The following RBFOX1 variants were observed in gnomAD, a reference collection of about 807,000 sequenced individuals.
The protein encoded by RBFOX1 is RNA binding fox-1 homolog 1.
In RBFOX1, 8 loss-of-function variants were observed where a neutral mutation model predicts 57.7. That is an observed-to-expected ratio of 0.14 (90% confidence interval 0.08 to 0.25). RBFOX1 has a LOEUF of 0.25. Among genes scored for constraint, RBFOX1 ranks in the 10% least tolerant of loss-of-function variants. The probability of loss-of-function intolerance (pLI) is 1.00; values close to 1 mark genes in which losing one functional copy is unlikely to be tolerated. For synonymous variants in RBFOX1, 326 were observed against 222.4 expected, an observed-to-expected ratio of 1.47 and a Z score of -4.15; for missense variants, 611 against 548.5, an observed-to-expected ratio of 1.11 and a Z score of -1.14.
chr16:5,717,098 G>T (rs1334876088), intron 3 of RBFOX1, among the ~76,000 whole-genome samples: 3 of 152,124 alleles, frequency 2.0e-5, no homozygotes, highest in Non-Finnish European at 4.4e-5. Flanking sequence ...GTGCTTTTCT[G>T]TCTGAGAAGG....
At chr16:5,257,521 G>A (rs949522802) in intron 1 of RBFOX1, among the ~76,000 whole-genome samples, 6 of 152,160 alleles carry the variant, frequency 3.9e-5, no homozygotes, top group African/African-American at 7.2e-5. Context: ...AGATGAATAC[G>A]TTTGGACCCA....
At chr16:6,471,780 C>G (rs1597723281) in intron 2 of RBFOX1, among the ~76,000 whole-genome samples, 1 of 152,082 alleles carries the variant, frequency 6.6e-6, no homozygotes, top group East Asian at 1.9e-4. Flanking sequence ...CCTTTGCAGG[C>G]TGGCCATGTC....
intron 1 of RBFOX1, among the ~76,000 whole-genome samples, chr16:6,020,318 A>T (rs1251944539): frequency 6.6e-6 from 1 of 151,926 alleles, no homozygotes; most frequent in Non-Finnish European, 1.5e-5. Flanking sequence ...GAGCAGCGGG[A>T]GCCTGCCTGC....
At chr16:6,122,382 AC>A (rs1169914155) in intron 1 of RBFOX1, among the ~76,000 whole-genome samples, 3 of 146,314 alleles carry the variant, frequency 2.1e-5, no homozygotes, top group African/African-American at 7.4e-5. Context: ...ACACACACAC[AC>A]ACACACACAC....
chr16:7,509,763 C>T (rs944213164), intron 4 of RBFOX1, among the ~76,000 whole-genome samples: 1 of 152,050 alleles, frequency 6.6e-6, no homozygotes, highest in Non-Finnish European at 1.5e-5. Flanking sequence ...TTTTTTCATC[C>T]ATCCTCTGTC....
intron 4 of RBFOX1, among the ~76,000 whole-genome samples, chr16:5,897,220 A>G (rs2058189892): frequency 6.6e-6 from 1 of 150,376 alleles, no homozygotes; most frequent in Non-Finnish European, 1.5e-5. Flanking sequence ...TATTTTTAGT[A>G]GAGACGGGGT....
intron 2 of RBFOX1, among the ~76,000 whole-genome samples, chr16:5,583,510 T>G (rs977625884): frequency 5.3e-5 from 8 of 152,222 alleles, no homozygotes; most frequent in African/African-American, 1.9e-4. Flanking sequence ...TCTGTAAATT[T>G]GTTCTGACCG....
rs1394072935 is a variant in RBFOX1, at chr16:6,654,670, T to A, written c.-16+20T>A. ...AGAAAGGTGAGTCAATATTTTTCAT[T>A]TTTAGGGTTGCAAACAAAACAAGAA... is the stretch of plus-strand genomic sequence containing the variant. On this transcript the variant is annotated intron_variant, in intron 3 of 15. Coordinates refer to ENST00000550418, the MANE Select transcript of RBFOX1 (RefSeq NM_018723.4). 6.7e-7 allele frequency: 1 copy of A among 1,500,382 alleles called. No individual in the cohort carries two copies. The highest frequency in any genetic ancestry group is 8.8e-7 in the Non-Finnish European group (1 of 1,132,828). 92.9% of individuals were successfully genotyped at this position (1,500,382 alleles called of 1,614,324 possible). A position where few individuals can be genotyped will look rare whatever the true frequency, so the allele number is the denominator to read the frequency against.
At chr16:6,426,140 CTG>C (rs1249307559) in intron 2 of RBFOX1, among the ~76,000 whole-genome samples, 1 of 151,986 alleles carries the variant, frequency 6.6e-6, no homozygotes, top group African/African-American at 2.4e-5. Context: ...CTCTCTCTCT[CTG>C]TCTCTCTTTC....
intron 5 of RBFOX1, among the ~76,000 whole-genome samples, chr16:7,551,223 A>G (rs1044044114): frequency 6.6e-6 from 1 of 152,202 alleles, no homozygotes; most frequent in African/African-American, 2.4e-5. Context: ...TTGCCACTAA[A>G]GAATTTTTTC....
intron 4 of RBFOX1, among the ~76,000 whole-genome samples, chr16:7,108,859 T>C (rs1045236458): frequency 2.0e-5 from 3 of 152,170 alleles, no homozygotes; most frequent in African/African-American, 7.2e-5. Flanking sequence ...AGTCATGATA[T>C]ATATTTATGG....
chr16:6,934,266 C>G (rs868789824), intron 3 of RBFOX1, among the ~76,000 whole-genome samples: 1 of 152,196 alleles, frequency 6.6e-6, no homozygotes, highest in Non-Finnish European at 1.5e-5. Flanking sequence ...GCTCTTCAGT[C>G]TGGACTGAAG....
chr16:6,983,964 C>G (rs1220590711), intron 3 of RBFOX1, among the ~76,000 whole-genome samples: 2 of 152,140 alleles, frequency 1.3e-5, no homozygotes, highest in Non-Finnish European at 2.9e-5. Context: ...AATCCTGGAT[C>G]TGGCCTGGAG....
At chr16:7,196,792 A>G (rs76709384) in intron 4 of RBFOX1, among the ~76,000 whole-genome samples, 2,299 of 152,180 alleles carry the variant, frequency 0.015, 70 homozygotes, top group African/African-American at 0.052. Flanking sequence ...ATGGGTGGGA[A>G]TTTTTTCACA....
rs561796051 is a variant in RBFOX1, at chr16:6,121,560, C to T, written c.-127+101568C>T. 2.0e-5 allele frequency among the ~76,000 whole-genome samples: 3 copies of T among 152,300 alleles called. 1 individual carries two copies. In the South Asian group the frequency reaches 6.2e-4, roughly 32 times the overall value. On this transcript the variant is annotated intron_variant, in intron 1 of 15. Coordinates refer to ENST00000550418, the MANE Select transcript of RBFOX1 (RefSeq NM_018723.4). ...TTTTGCTGTGTCTGACTGTGTCACT[C>T]CATTTGCTTGTACACTGTGCCTGCC...
intron 4 of RBFOX1, among the ~76,000 whole-genome samples, chr16:5,989,228 G>C (rs2060341935): frequency 6.6e-6 from 1 of 151,996 alleles, no homozygotes; most frequent in East Asian, 1.9e-4. Context: ...CTGCTCGGGA[G>C]GCTGAGGCAG....
At chr16:6,502,678 C>G (rs1263531055) in intron 2 of RBFOX1, among the ~76,000 whole-genome samples, 1 of 152,124 alleles carries the variant, frequency 6.6e-6, no homozygotes, top group African/African-American at 2.4e-5. Context: ...ATTGTTAACT[C>G]TTTTACCTCT....
At chr16:6,151,563 G>A (rs559332551) in intron 1 of RBFOX1, among the ~76,000 whole-genome samples, 1 of 152,228 alleles carries the variant, frequency 6.6e-6, no homozygotes, top group South Asian at 2.1e-4. Context: ...TGGGGTTACA[G>A]GAGTGAGCCA....
chr16:7,476,403 A>G (rs756041335), intron 4 of RBFOX1, among the ~76,000 whole-genome samples: 17 of 152,232 alleles, frequency 1.1e-4, no homozygotes, highest in Non-Finnish European at 2.1e-4. Context: ...TGATATCTAT[A>G]TAACACGCTT....
Sources: gnomAD v4.1 joint callset for allele counts (sites outside exome capture counted in the v4.1 genomes callset) on GRCh38, gnomAD v4.1.1 for gene constraint, MANE v1.5 for transcripts, NCBI Gene and HGNC (gene_info 2026-07-23, HGNC 2026-07-21) for gene names.